The following AGK variants were observed in gnomAD, a reference collection of about 807,000 sequenced individuals.
AGK encodes the protein acylglycerol kinase, mitochondrial.
In AGK, 52 loss-of-function variants were observed where a neutral mutation model predicts 66.4. That is an observed-to-expected ratio of 0.78 (90% CI 0.63 to 0.99). The LOEUF (loss-of-function observed/expected upper bound fraction) is 0.99, where lower values mean the gene tolerates loss of function less well. AGK is among the 50% of genes least tolerant of loss of function. AGK has a pLI of 0.00. For missense variants in AGK, 451 were observed against 506.6 expected, an observed-to-expected ratio of 0.89 and a Z score of 1.05; for synonymous variants, 182 against 181.1, an observed-to-expected ratio of 1.00 and a Z score of -0.04.
At chr7:141,621,002 C>T (rs149583449) in intron 8 of AGK, among the ~76,000 whole-genome samples, 2,082 of 152,294 alleles carry the variant, frequency 0.014, 63 homozygotes, top group African/African-American at 0.046. Flanking sequence ...TCTAGCCATT[C>T]TGTCCACCTA....
chr7:141,622,954 C>G (rs549815135), intron 9 of AGK, among the ~76,000 whole-genome samples: 1 of 151,938 alleles, frequency 6.6e-6, no homozygotes, highest in South Asian at 2.1e-4. Context: ...AATAGGTATG[C>G]TTAGTGAGAA....
intron 2 of AGK, among the ~76,000 whole-genome samples, chr7:141,590,890 G>A (rs1289081918): frequency 1.3e-5 from 2 of 152,064 alleles, no homozygotes; most frequent in African/African-American, 4.8e-5. Context: ...GGGTGTGGAG[G>A]AAGAGAAGGT....
At position 141,653,605 on chromosome 7, in the gene AGK, G is replaced by C; in HGVS notation, c.*681G>C. 6.6e-6 allele frequency: 1 copy of C among 152,186 alleles called. No homozygotes were observed. Among genetic ancestry groups the C allele is most frequent in the East Asian group, 1.9e-4 (1 of 5,200 alleles). 9.4% of individuals were successfully genotyped at this position (152,186 alleles called of 1,614,324 possible). A position where few individuals can be genotyped will look rare whatever the true frequency, so the allele number is the denominator to read the frequency against. ...AACCCAAATTTGGGGATGGGGCCCA[G>C]GAATATGCATTTTTAAAAAGTCATC... On this transcript the variant is annotated 3_prime_UTR_variant, in exon 16 of 16. Coordinates refer to ENST00000649286, the MANE Select transcript of AGK (RefSeq NM_018238.4).
intron 1 of AGK, among the ~76,000 whole-genome samples, chr7:141,554,701 A>C (rs751347318): frequency 4.2e-4 from 64 of 152,342 alleles, no homozygotes; most frequent in South Asian, 1.2e-3. Context: ...TCACCAAATA[A>C]TAAATGTCAT....
At chr7:141,574,522 A>G (rs1482456040) in intron 2 of AGK, among the ~76,000 whole-genome samples, 1 of 152,222 alleles carries the variant, frequency 6.6e-6, no homozygotes, top group Non-Finnish European at 1.5e-5. Flanking sequence ...AGCTATGAAG[A>G]CAGGCTTCCT....
chr7:141,654,843 A>G lies in AGK; in HGVS notation c.*1919A>G, dbSNP rs1797655486. 6.6e-6 allele frequency: 1 copy of G among 152,240 alleles called. No homozygotes were observed. The highest frequency in any genetic ancestry group is 2.1e-4 in the South Asian group (1 of 4,832). The allele number at this position is 152,240 out of a possible 1,614,324, so 9.4% of individuals were successfully genotyped here. ...TTAGTAGATTACAGAACAGCTATGA[A>G]AAGTCCATGAATGAAGATCACAAAA... On this transcript the variant is annotated 3_prime_UTR_variant, in exon 16 of 16. Transcript: ENST00000649286.
In AGK at chr7:141,641,863, C is replaced by A; in HGVS notation, c.930C>A (p.Thr310=). ...PEVWKDVQLS[T]IELSITTRNN... Reference sequence around the variant, plus strand: ...TCTGGAAAGATGTGCAGCTGTCCACCATTGAACTGTCCATCACAACACGGA... The same window carrying A: ...TCTGGAAAGATGTGCAGCTGTCCACAATTGAACTGTCCATCACAACACGGA... Residue 310 remains threonine (T), a synonymous_variant, in exon 13 of 16, where the codon ACC becomes ACA. Transcript: ENST00000649286. 1 of 1,586,830 alleles carries A rather than the reference C, an allele frequency of 6.3e-7. No individual in the cohort carries two copies. Among genetic ancestry groups the A allele is most frequent in the Non-Finnish European group, 8.6e-7 (1 of 1,165,940 alleles).
intron 1 of AGK, among the ~76,000 whole-genome samples, chr7:141,552,825 C>G (rs1455530190): frequency 6.6e-6 from 1 of 152,176 alleles, no homozygotes; most frequent in African/African-American, 2.4e-5. Flanking sequence ...GACACAGGTA[C>G]ACAGAGAAGA....
intron 2 of AGK, among the ~76,000 whole-genome samples, chr7:141,565,595 C>T (rs1795450427): frequency 2.0e-5 from 3 of 151,700 alleles, no homozygotes; most frequent in African/African-American, 4.8e-5. Context: ...GAGCTGAGAT[C>T]GTACCACTGC....
chr7:141,619,800 C>T (rs1796785559), intron 8 of AGK, among the ~76,000 whole-genome samples: 1 of 152,136 alleles, frequency 6.6e-6, no homozygotes, highest in South Asian at 2.1e-4. Flanking sequence ...TAAAATTAAA[C>T]ATATACCTAC....
In AGK at chr7:141,604,582, A is replaced by AT. The variant is rs201589014; in HGVS notation, c.297+3322dup. Among the ~76,000 whole-genome samples the AT allele has an allele frequency of 9.2e-3, 1,246 of 135,364 alleles. 18 individuals are homozygous for AT. Among genetic ancestry groups the AT allele is most frequent in the East Asian group, 0.015 (69 of 4,754 alleles). The allele number at this position is 135,364 out of a possible 152,430, so 88.8% of individuals were successfully genotyped here. Reference sequence around the variant, plus strand: ...CATTGATGTACTATTATCTTGTAGAATTTTTTTTTTTTTTTTTTTTGAGAC... The same window carrying AT: ...CATTGATGTACTATTATCTTGTAGAATTTTTTTTTTTTTTTTTTTTTGAGAC... On this transcript the variant is annotated intron_variant, in intron 5 of 15. Coordinates refer to ENST00000649286, the MANE Select transcript of AGK (RefSeq NM_018238.4).
chr7:141,583,646 A>G (rs548989205), intron 2 of AGK, among the ~76,000 whole-genome samples: 2 of 151,954 alleles, frequency 1.3e-5, no homozygotes, highest in East Asian at 1.9e-4. Flanking sequence ...CCTCTTAAAC[A>G]TGGGTGAATA....
chr7:141,578,123 G>T (rs1224175680), intron 2 of AGK, among the ~76,000 whole-genome samples: 2 of 152,184 alleles, frequency 1.3e-5, no homozygotes, highest in African/African-American at 4.8e-5. Context: ...CTTTGTGTGA[G>T]CAATAAAGCT....
chr7:141,629,066 C>T (rs931187637), intron 9 of AGK, among the ~76,000 whole-genome samples: 4 of 152,134 alleles, frequency 2.6e-5, no homozygotes, highest in African/African-American at 9.7e-5. Flanking sequence ...ACATGGACTC[C>T]TTCTTTTTAG....
At chr7:141,611,027 C>T (rs367846576) in intron 5 of AGK, among the ~76,000 whole-genome samples, 168 bp from the exon 6 acceptor site, 9 of 152,168 alleles carry the variant, frequency 5.9e-5, no homozygotes, top group South Asian at 2.1e-4. Context: ...AAAACTGTAA[C>T]GACTATACAT....
At chr7:141,573,995 C>A (rs186405057) in intron 2 of AGK, among the ~76,000 whole-genome samples, 7 of 151,940 alleles carry the variant, frequency 4.6e-5, no homozygotes, top group Non-Finnish European at 1.5e-5. Context: ...GTAATTGAGT[C>A]TCATTATATA....
intron 13 of AGK, among the ~76,000 whole-genome samples, chr7:141,647,503 T>G (rs1419007382): frequency 6.6e-6 from 1 of 152,172 alleles, no homozygotes; most frequent in Non-Finnish European, 1.5e-5. Flanking sequence ...GTTCCCCTTG[T>G]GTGGATTGCT....
In AGK at chr7:141,632,017, T is replaced by C. The variant is rs150680000; in HGVS notation, c.589-1884T>C. Among the ~76,000 whole-genome samples the C allele has an allele frequency of 6.5e-3, 981 of 151,994 alleles. 12 individuals carry two copies. Among genetic ancestry groups the C allele is most frequent in the Non-Finnish European group, 8.0e-3 (544 of 67,956 alleles). On this transcript the variant is annotated intron_variant, in intron 9 of 15. Transcript: ENST00000649286. ...GATGAGGCAGGTGGATCATCTGAGGTCAGCAGTTGGAAACCAGCCTGGTCA... is the reference window on the plus strand; with the variant it reads ...GATGAGGCAGGTGGATCATCTGAGGCCAGCAGTTGGAAACCAGCCTGGTCA...
intron 15 of AGK, among the ~76,000 whole-genome samples, chr7:141,652,087 G>A (rs559502332): frequency 1.3e-5 from 2 of 152,186 alleles, no homozygotes; most frequent in Non-Finnish European, 2.9e-5. Context: ...ATTGGAAATA[G>A]AATCTGGAAT....
Sources: gnomAD v4.1 joint callset for allele counts (sites outside exome capture counted in the v4.1 genomes callset) on GRCh38, gnomAD v4.1.1 for gene constraint, MANE v1.5 for transcripts, NCBI Gene and HGNC (gene_info 2026-07-23, HGNC 2026-07-21) for gene names.